The following RNF167 variants were observed in gnomAD, a reference collection of about 807,000 sequenced individuals.
RNF167 encodes ring finger protein 167, also known as E3 ubiquitin-protein ligase RNF167.
RNF167 carries 19 observed loss-of-function variants against 34.8 expected under a neutral mutation model. That is an observed-to-expected ratio of 0.55 (90% confidence interval 0.38 to 0.80). RNF167 has a LOEUF of 0.80. Among genes scored for constraint, RNF167 ranks in the 30% least tolerant of loss-of-function variants. The pLI is 0.00. For missense variants in RNF167, 464 were observed against 447.0 expected (o/e 1.04, Z -0.34); for synonymous variants, 200 against 170.4 (o/e 1.17, Z -1.35).
chr17:4,941,288 A>G, intron 3 of RNF167, 131 bp downstream of exon 3: 1 of 777,398 alleles, frequency 1.3e-6, no homozygotes, highest in Non-Finnish European at 2.1e-6. Context: ...GTGAAACTGG[A>G]GGTAGGAAAA....
At position 4,943,029 on chromosome 17, in the gene RNF167, T is replaced by C. The variant is rs890975998; in HGVS notation, c.470+88T>C. 1.7e-5 allele frequency: 23 copies of C among 1,372,338 alleles called. No homozygotes were observed. The Middle Eastern group carries it at 1.7e-3, about 100-fold the overall frequency. 85.0% of individuals were successfully genotyped at this position (1,372,338 alleles called of 1,614,324 possible). A position where few individuals can be genotyped will look rare whatever the true frequency, so the allele number is the denominator to read the frequency against. On this transcript the variant is annotated intron_variant, in intron 6 of 9. Coordinates refer to ENST00000262482, the MANE Select transcript of RNF167 (RefSeq NM_015528.3). ...CAGGCCTCCTCATTACCCGAACCAT[T>C]CAGCCTCCTGTCCTTCCTTCCCTGC...
At position 4,940,917 on chromosome 17, in the gene RNF167, C is replaced by G; in HGVS notation, c.8C>G (p.Pro3Arg). The change falls in exon 2 of 10, where the codon CCT (proline) becomes CGT (arginine). Residue 3 changes from proline (P) to arginine (R), a missense_variant. Transcript: ENST00000262482. MHPAAFPLPVVVA... is the reference protein window; with the variant it reads MHRAAFPLPVVVA... ...CTCTTTCCTCCCGCTGCCATGCACC[C>G]TGCAGCCTTCCCGCTTCCTGTGGTT... The G allele has an allele frequency of 2.5e-6, 4 of 1,606,330 alleles. No homozygotes were observed. Among genetic ancestry groups the G allele is most frequent in the Non-Finnish European group, 3.4e-6 (4 of 1,175,304 alleles).
At chr17:4,942,083 C>T (rs1282555829) in intron 3 of RNF167, among the ~76,000 whole-genome samples, 2 of 152,016 alleles carry the variant, frequency 1.3e-5, no homozygotes, top group African/African-American at 4.8e-5. Context: ...CATTAGCTTG[C>T]AGTATAGGGT....
rs1970931940 is a variant in RNF167, at chr17:4,942,569, C to T, written c.292-8C>T. On this transcript the variant is annotated splice_polypyrimidine_tract_variant and splice_region_variant and intron_variant, in intron 4 of 9. Coordinates refer to ENST00000262482, the MANE Select transcript of RNF167 (RefSeq NM_015528.3). ...GATGGCTCCTTGTCCTCTGCCTTGTCTCCCTAGGTCCTAAATGCCCAGAAG... is the reference window on the plus strand; with the variant it reads ...GATGGCTCCTTGTCCTCTGCCTTGTTTCCCTAGGTCCTAAATGCCCAGAAG... The T allele has an allele frequency of 6.2e-7, 1 of 1,613,908 alleles. No homozygotes were observed. Among genetic ancestry groups the T allele is most frequent in the Admixed American group, 1.7e-5 (1 of 59,994 alleles).
Position 4,945,128 on chromosome 17 carries a change from C to A in RNF167, c.*112C>A. On this transcript the variant is annotated 3_prime_UTR_variant, in exon 10 of 10. Transcript: ENST00000262482. ...TCCCAAGCTTCTCCCTTACCCACAC[C>A]TATCCTTTTGAGGGGCTTTGGGGTG... is the stretch of plus-strand genomic sequence containing the variant. The A allele has an allele frequency of 9.9e-7, 1 of 1,013,970 alleles. No homozygotes were observed. The highest frequency in any genetic ancestry group is 1.4e-6 in the Non-Finnish European group (1 of 713,068). The allele number at this position is 1,013,970 out of a possible 1,614,324, so 62.8% of individuals were successfully genotyped here. A position where few individuals can be genotyped will look rare whatever the true frequency, so the allele number is the denominator to read the frequency against.
In RNF167 at chr17:4,942,424, T is replaced by C; in HGVS notation, c.249T>C (p.Phe83=). Reference sequence around the variant, plus strand: ...CAGCCCCGGTCAATGGGTCAGTCTTTATTGCGCTGCTTCGAAGATTCGACT... The same window carrying C: ...CAGCCCCGGTCAATGGGTCAGTCTTCATTGCGCTGCTTCGAAGATTCGACT... ...PPPAPVNGSV[F]IALLRRFDCN... Residue 83 remains phenylalanine (F), a synonymous_variant, in exon 4 of 10, where the codon TTT becomes TTC. Coordinates refer to ENST00000262482, the MANE Select transcript of RNF167 (RefSeq NM_015528.3). 1 of 1,614,098 alleles carries C rather than the reference T, an allele frequency of 6.2e-7. No individual in the cohort carries two copies. Among genetic ancestry groups the C allele is most frequent in the Non-Finnish European group, 8.5e-7 (1 of 1,180,012 alleles).
chr17:4,942,820 A>G (rs1329384276), intron 5 of RNF167, 31 bp from the exon 6 acceptor site: 5 of 1,607,194 alleles, frequency 3.1e-6, no homozygotes, highest in Non-Finnish European at 4.3e-6. Context: ...GAAGGTTGTG[A>G]GTCCCCAGAG....
chr17:4,944,140 T>C (rs961570607), intron 8 of RNF167, among the ~76,000 whole-genome samples: 2 of 152,264 alleles, frequency 1.3e-5, no homozygotes, highest in Admixed American at 6.5e-5. Context: ...TGGGAAACAA[T>C]AGAGGGATAG....
At chr17:4,943,087 C>G in intron 6 of RNF167, 92 bp from the exon 7 acceptor site, 2 of 1,325,006 alleles carry the variant, frequency 1.5e-6, no homozygotes, top group Non-Finnish European at 2.2e-6. Flanking sequence ...CTGTCCCCAC[C>G]TATGGGCTTT....
Position 4,944,819 on chromosome 17 carries a change from G to A in RNF167, c.856G>A (p.Glu286Lys). The A allele has an allele frequency of 6.2e-7, 1 of 1,612,586 alleles. No homozygotes were observed. Among genetic ancestry groups the A allele is most frequent in the Non-Finnish European group, 8.5e-7 (1 of 1,179,262 alleles). Residue 286 changes from glutamate (E) to lysine (K), a missense_variant, in exon 10 of 10, where the codon GAA becomes AAA. By Grantham distance (56) the Glu-to-Lys change is moderately conservative (BLOSUM62 1). Transcript: ENST00000262482. ...HRGPGDEDQE[E>K]ETQGQEEGDE... ...GGGTCCTGGGGACGAAGACCAAGAG[G>A]AAGAAACTCAAGGGCAAGAGGAGGG...
In RNF167 at chr17:4,941,085, C is replaced by G. The variant is rs145210225; in HGVS notation, c.93C>G (p.Asp31Glu). The G allele has an allele frequency of 2.5e-5, 40 of 1,614,196 alleles. No homozygotes were observed. In the African/African-American group the frequency reaches 4.5e-4, roughly 18 times the overall value. ...PTRGLIRATS[D>E]HNASMDFADL... ...GCCTTTTTTGTCCGCAGACCTCGGACCACAATGCCAGCATGGACTTTGCAG... is the reference window on the plus strand; with the variant it reads ...GCCTTTTTTGTCCGCAGACCTCGGAGCACAATGCCAGCATGGACTTTGCAG... Residue 31 changes from aspartate to glutamate, a missense_variant, in exon 3 of 10, where the codon GAC becomes GAG. Asp to Glu is a conservative substitution (Grantham distance 45). Coordinates refer to ENST00000262482, the MANE Select transcript of RNF167 (RefSeq NM_015528.3).
chr17:4,942,938 AGG>A lies in RNF167; in HGVS notation c.470_470+1del. On this transcript the variant is annotated frameshift_variant and splice_region_variant, in exon 6 of 10. Coordinates refer to ENST00000262482, the MANE Select transcript of RNF167 (RefSeq NM_015528.3). LOFTEE classifies it high-confidence loss of function. The stretch of plus-strand genomic sequence containing the variant: ...CTGCGTGCCCTCTTTGTCTACGAGA[AGG>A]GGTAGGACATGTGCCTCCTTCCCAT... The A allele has an allele frequency of 1.2e-6, 2 of 1,613,790 alleles. No homozygotes were observed. The highest frequency in any genetic ancestry group is 1.7e-6 in the Non-Finnish European group (2 of 1,179,770).
intron 3 of RNF167, 24 bp downstream of exon 3, chr17:4,941,181 CTCCTTCCCTCCCT>C: frequency 6.3e-7 from 1 of 1,580,240 alleles, no homozygotes; most frequent in Non-Finnish European, 8.7e-7. Flanking sequence ...TTTTCTTTTC[CTCCTTCCCTCCCT>C]TCCTTCCTTT....
Position 4,945,197 on chromosome 17 carries a change from A to T in RNF167, c.*181A>T. 1 of 529,660 alleles carries T rather than the reference A, an allele frequency of 1.9e-6. No individual in the cohort carries two copies. The highest frequency in any genetic ancestry group is 3.3e-6 in the Non-Finnish European group (1 of 307,270). The allele number at this position is 529,660 out of a possible 1,614,324, so 32.8% of individuals were successfully genotyped here. A position where few individuals can be genotyped will look rare whatever the true frequency, so the allele number is the denominator to read the frequency against. On this transcript the variant is annotated 3_prime_UTR_variant, in exon 10 of 10. Coordinates refer to ENST00000262482, the MANE Select transcript of RNF167 (RefSeq NM_015528.3). ...GGACTGGGTCTTCACTTCTTGGGCT[A>T]ATAAAATTGTTTCTTTGTGGACTAA...
chr17:4,944,371 G>T, intron 8 of RNF167, 187 bp from the exon 9 acceptor site: 1 of 1,323,914 alleles, frequency 7.6e-7, no homozygotes, highest in Non-Finnish European at 9.7e-7. Flanking sequence ...TCTTACCTCT[G>T]CTTCTCTTTG....
chr17:4,942,248 T>G (rs999477901), intron 3 of RNF167, 93 bp from the exon 4 acceptor site: 1 of 1,402,462 alleles, frequency 7.1e-7, no homozygotes. Context: ...GGATAGAGGA[T>G]GTGCAGCATG....
intron 6 of RNF167, 55 bp downstream of exon 6, chr17:4,942,996 C>T: frequency 6.5e-7 from 1 of 1,542,680 alleles, no homozygotes. Flanking sequence ...CCATGCCAAC[C>T]TGGAGCCCAG....
Position 4,942,468 on chromosome 17 carries a change from T to C in RNF167, c.291+2T>C. 6.2e-7 allele frequency: 1 copy of C among 1,613,910 alleles called. No homozygotes were observed. Among genetic ancestry groups the C allele is most frequent in the Non-Finnish European group, 8.5e-7 (1 of 1,179,972 alleles). On this transcript the variant is annotated splice_donor_variant, in intron 4 of 9. Transcript: ENST00000262482. LOFTEE classifies it high-confidence loss of function. ...TTCGACTGCAACTTTGACCTCAAGG[T>C]TGCTGAATGAGGAAGGGGAGCTGGG...
chr17:4,943,579 T>TG (rs1971055938), intron 8 of RNF167, 60 bp downstream of exon 8: 2 of 1,372,276 alleles, frequency 1.5e-6, no homozygotes, highest in South Asian at 2.4e-5. Context: ...TGAAGGACTT[T>TG]GAGCCCAGAA....
Sources: gnomAD v4.1 joint callset for allele counts (sites outside exome capture counted in the v4.1 genomes callset) on GRCh38, gnomAD v4.1.1 for gene constraint, MANE v1.5 for transcripts, NCBI Gene and HGNC (gene_info 2026-07-23, HGNC 2026-07-21) for gene names.